Variants in KLHL29 observed in about 807,000 individuals in gnomAD.
The protein encoded by KLHL29 is kelch-like protein 29.
KLHL29 carries 21 observed loss-of-function variants against 80.4 expected under a neutral mutation model. The observed-to-expected ratio is 0.26, with a 90% CI of 0.19 to 0.38. The LOEUF is 0.38. Among genes scored for constraint, KLHL29 ranks in the 10% least tolerant of loss-of-function variants. The pLI, the probability that KLHL29 is intolerant of heterozygous loss-of-function variation, is 1.00. For missense variants in KLHL29, 867 were observed against 1,223.9 expected, an observed-to-expected ratio of 0.71 and a Z score of 4.35; for synonymous variants, 511 against 526.8, an observed-to-expected ratio of 0.97 and a Z score of 0.41.
intron 2 of KLHL29, among the ~76,000 whole-genome samples, chr2:23,529,174 A>G (rs1572380841): frequency 6.6e-6 from 1 of 152,318 alleles, no homozygotes; most frequent in East Asian, 1.9e-4. Context: ...CAGTGGCACG[A>G]TCATAGCTCA....
At chr2:23,578,852 C>T (rs945145115) in intron 3 of KLHL29, among the ~76,000 whole-genome samples, 2 of 152,188 alleles carry the variant, frequency 1.3e-5, no homozygotes, top group Non-Finnish European at 2.9e-5. Flanking sequence ...GCAGGCATCT[C>T]GGCAATAGTA....
Position 23,671,404 on chromosome 2 carries a change from G to A in KLHL29, c.941-12995G>A, listed in dbSNP as rs7557816. Reference sequence around the variant, plus strand: ...GCAGGTGGCTGACTTTCCCAAAGCCGTAGCTGACCAGATCTTGGAAAGATT... The same window carrying A: ...GCAGGTGGCTGACTTTCCCAAAGCCATAGCTGACCAGATCTTGGAAAGATT... On this transcript the variant is annotated intron_variant, in intron 5 of 13. Coordinates refer to ENST00000486442, the MANE Select transcript of KLHL29 (RefSeq NM_052920.2). 3.9e-3 allele frequency among the ~76,000 whole-genome samples: 600 copies of A among 152,158 alleles called. 5 individuals carry two copies. The highest frequency in any genetic ancestry group is 0.013 in the African/African-American group (558 of 41,518).
chr2:23,670,695 C>T lies in KLHL29; in HGVS notation c.941-13704C>T, dbSNP rs377664538. Among the ~76,000 whole-genome samples, 6 of 152,130 alleles carry T rather than the reference C, an allele frequency of 3.9e-5. No individual in the cohort carries two copies. In the East Asian group the frequency reaches 9.7e-4, roughly 25 times the overall value. The stretch of plus-strand genomic sequence containing the variant: ...GATTAATTGTATAATTTTAAAAGAT[C>T]GTTAGAAATATGAAAAACTAGAAAT... On this transcript the variant is annotated intron_variant, in intron 5 of 13. Coordinates refer to ENST00000486442, the MANE Select transcript of KLHL29 (RefSeq NM_052920.2).
intron 3 of KLHL29, among the ~76,000 whole-genome samples, chr2:23,567,609 A>G (rs183487885): frequency 6.6e-6 from 1 of 152,256 alleles, no homozygotes; most frequent in Admixed American, 6.5e-5. Context: ...CTTGGGGGAG[A>G]TGATCTGGGA....
chr2:23,516,731 G>A (rs548214884), intron 2 of KLHL29, among the ~76,000 whole-genome samples: 60 of 152,368 alleles, frequency 3.9e-4, no homozygotes, highest in African/African-American at 1.2e-3. Context: ...GAGCCGGTTG[G>A]CCAATCAGCA....
chr2:23,417,343 T>C (rs575903664), intron 1 of KLHL29, among the ~76,000 whole-genome samples: 44 of 152,236 alleles, frequency 2.9e-4, no homozygotes, highest in Non-Finnish European at 4.4e-4. Context: ...ACGTTTGTTG[T>C]GTGGCCATCA....
chr2:23,566,345 G>T (rs1667589489), intron 3 of KLHL29, among the ~76,000 whole-genome samples: 1 of 152,202 alleles, frequency 6.6e-6, no homozygotes, highest in South Asian at 2.1e-4. Flanking sequence ...CATTCTACAG[G>T]TCACAGTAGT....
At chr2:23,599,585 T>G (rs1038764454) in intron 3 of KLHL29, among the ~76,000 whole-genome samples, 1 of 151,868 alleles carries the variant, frequency 6.6e-6, no homozygotes, top group Admixed American at 6.6e-5. Context: ...TTTACATATA[T>G]AAATATTTAT....
At chr2:23,386,049 C>T (rs1192618491) in intron 1 of KLHL29, among the ~76,000 whole-genome samples, 2 of 152,138 alleles carry the variant, frequency 1.3e-5, no homozygotes, top group African/African-American at 4.8e-5. Context: ...ACCGGGGCTG[C>T]CTGGGGCCAC....
chr2:23,428,509 C>T (rs1379209169), intron 1 of KLHL29, among the ~76,000 whole-genome samples: 1 of 152,134 alleles, frequency 6.6e-6, no homozygotes, highest in Non-Finnish European at 1.5e-5. Flanking sequence ...CAACAATGAC[C>T]ACACAACTGT....
intron 2 of KLHL29, among the ~76,000 whole-genome samples, chr2:23,488,367 T>C (rs1283652738): frequency 1.3e-5 from 2 of 152,138 alleles, no homozygotes; most frequent in Non-Finnish European, 2.9e-5. Flanking sequence ...TCTCTGGGCA[T>C]CCCCCGTCTC....
chr2:23,704,272 A>G (rs550999036), intron 13 of KLHL29, among the ~76,000 whole-genome samples: 1 of 152,272 alleles, frequency 6.6e-6, no homozygotes, highest in South Asian at 2.1e-4. Context: ...GACATGAACG[A>G]TCCTGATGGC....
intron 2 of KLHL29, among the ~76,000 whole-genome samples, chr2:23,500,668 T>G (rs1665412804): frequency 6.6e-6 from 1 of 152,242 alleles, no homozygotes; most frequent in South Asian, 2.1e-4. Context: ...TTTGGAGCTT[T>G]GGAAGTTGAT....
chr2:23,407,478 A>AT (rs1401233066), intron 1 of KLHL29, among the ~76,000 whole-genome samples: 2 of 151,056 alleles, frequency 1.3e-5, no homozygotes, highest in Non-Finnish European at 3.0e-5. Flanking sequence ...TTTCTTATTG[A>AT]TTTTTAAGAG....
chr2:23,561,779 G>A (rs1035718382), intron 2 of KLHL29, among the ~76,000 whole-genome samples: 6 of 152,114 alleles, frequency 3.9e-5, no homozygotes, highest in South Asian at 2.1e-4. Context: ...AGGAAAACAC[G>A]TCCTGAGGAG....
At chr2:23,688,613 G>A (rs1476061717) in intron 6 of KLHL29, among the ~76,000 whole-genome samples, 1 of 150,962 alleles carries the variant, frequency 6.6e-6, no homozygotes, top group African/African-American at 2.4e-5. Flanking sequence ...ACGCCCAGAA[G>A]TAGGTGACTC....
chr2:23,586,279 C>T (rs1232933571), intron 3 of KLHL29, among the ~76,000 whole-genome samples: 1 of 151,782 alleles, frequency 6.6e-6, no homozygotes, highest in Non-Finnish European at 1.5e-5. Flanking sequence ...TATCTAGTTC[C>T]AGAATGTCTT....
intron 3 of KLHL29, among the ~76,000 whole-genome samples, chr2:23,587,415 G>A (rs148692984): frequency 2.0e-3 from 307 of 152,192 alleles, no homozygotes; most frequent in Admixed American, 5.2e-3. Context: ...TTTTGCCTTA[G>A]AGTCAGAGGA....
intron 2 of KLHL29, among the ~76,000 whole-genome samples, chr2:23,509,365 T>C (rs748617686): frequency 6.6e-6 from 1 of 152,192 alleles, no homozygotes; most frequent in Non-Finnish European, 1.5e-5. Context: ...TGGACTGCTG[T>C]GTGGAGAGTC....
Sources: allele counts gnomAD v4.1 joint callset (sites outside exome capture counted in the v4.1 genomes callset), GRCh38; gene constraint gnomAD v4.1.1; transcripts MANE v1.5; gene names NCBI Gene and HGNC (gene_info 2026-07-23, HGNC 2026-07-21).